Variants in DPYD observed in about 807,000 individuals in gnomAD.
The protein encoded by DPYD is dihydropyrimidine dehydrogenase.
In DPYD, 109 loss-of-function variants were observed where a neutral mutation model predicts 116.2. The observed-to-expected ratio is 0.94, with a 90% CI of 0.80 to 1.10. The LOEUF is 1.10. DPYD is among the 50% of genes least tolerant of loss of function. DPYD has a pLI of 0.00. For synonymous variants in DPYD, 440 were observed against 432.0 expected, an observed-to-expected ratio of 1.02 and a Z score of -0.23; for missense variants, 1,302 against 1,254.5, an observed-to-expected ratio of 1.04 and a Z score of -0.57.
chr1:97,212,018 C>A (rs1660063154), intron 19 of DPYD, among the ~76,000 whole-genome samples: 2 of 152,096 alleles, frequency 1.3e-5, no homozygotes, highest in South Asian at 2.1e-4. Context: ...CTTCATTACA[C>A]ATATTATTTA....
intron 16 of DPYD, among the ~76,000 whole-genome samples, chr1:97,334,839 T>C (rs576514816): frequency 1.1e-4 from 16 of 152,004 alleles, no homozygotes; most frequent in African/African-American, 3.1e-4. Flanking sequence ...GGAGAACAAA[T>C]AGACTTGATG....
chr1:97,260,801 C>A (rs1307026639), intron 18 of DPYD, among the ~76,000 whole-genome samples: 1 of 152,068 alleles, frequency 6.6e-6, no homozygotes, highest in East Asian at 1.9e-4. Flanking sequence ...AGAGGATCTG[C>A]AGACTGAACA....
chr1:97,907,891 A>G (rs1272623510), intron 1 of DPYD, among the ~76,000 whole-genome samples: 2 of 152,106 alleles, frequency 1.3e-5, no homozygotes, highest in African/African-American at 4.8e-5. Context: ...AGAAGTCTAA[A>G]GTAAAGGTGT....
At chr1:97,910,134 T>TA (rs1276278053) in intron 1 of DPYD, among the ~76,000 whole-genome samples, 2 of 152,100 alleles carry the variant, frequency 1.3e-5, no homozygotes, top group Non-Finnish European at 2.9e-5. Context: ...ATTTTCTTGG[T>TA]TTATTTTTAC....
intron 12 of DPYD, among the ~76,000 whole-genome samples, chr1:97,539,427 C>T (rs1650263342): frequency 6.6e-6 from 1 of 151,990 alleles, no homozygotes; most frequent in African/African-American, 2.4e-5. Flanking sequence ...ATTTGAATTT[C>T]TACCTCTACC....
intron 14 of DPYD, among the ~76,000 whole-genome samples, chr1:97,383,738 A>G (rs1182708493): frequency 2.6e-5 from 4 of 152,142 alleles, no homozygotes; most frequent in East Asian, 1.9e-4. Flanking sequence ...TGTGCTTTTA[A>G]CGACTAGGTT....
At chr1:97,723,313 A>C (rs1557909238) in intron 4 of DPYD, among the ~76,000 whole-genome samples, 1 of 151,610 alleles carries the variant, frequency 6.6e-6, no homozygotes, top group Non-Finnish European at 1.5e-5. Context: ...ATAAAGGGTA[A>C]ATAATTAGCA....
intron 4 of DPYD, among the ~76,000 whole-genome samples, chr1:97,725,722 C>A (rs1437525041): frequency 6.6e-6 from 1 of 151,598 alleles, no homozygotes; most frequent in Non-Finnish European, 1.5e-5. Flanking sequence ...ATGAATGATG[C>A]TGGAATATCT....
chr1:97,559,978 T>C (rs1410183525), intron 11 of DPYD, among the ~76,000 whole-genome samples: 2 of 152,156 alleles, frequency 1.3e-5, no homozygotes, highest in African/African-American at 2.4e-5. Context: ...GAATGTGAGA[T>C]TGAGATAAGT....
intron 10 of DPYD, among the ~76,000 whole-genome samples, chr1:97,591,646 T>C (rs1331092242): frequency 6.6e-6 from 1 of 152,192 alleles, no homozygotes; most frequent in Admixed American, 6.5e-5. Flanking sequence ...AAATTGATAT[T>C]GCCAATCAGT....
chr1:97,522,643 C>T (rs892403448), intron 12 of DPYD, among the ~76,000 whole-genome samples: 5 of 151,632 alleles, frequency 3.3e-5, no homozygotes, highest in Non-Finnish European at 5.9e-5. Context: ...GGCGTGAACC[C>T]GGAAGGTGGA....
intron 18 of DPYD, among the ~76,000 whole-genome samples, chr1:97,273,688 C>CT (rs1664744384): frequency 6.6e-6 from 1 of 152,170 alleles, no homozygotes; most frequent in African/African-American, 2.4e-5. Flanking sequence ...ATGTTTATTG[C>CT]TTTTTTGTAA....
intron 16 of DPYD, among the ~76,000 whole-genome samples, chr1:97,359,045 A>G (rs903105757): frequency 2.0e-5 from 3 of 152,178 alleles, no homozygotes; most frequent in Non-Finnish European, 4.4e-5. Flanking sequence ...AACCCATCGC[A>G]AGGAAGCTTA....
intron 20 of DPYD, among the ~76,000 whole-genome samples, chr1:97,154,424 T>C (rs1655278409): frequency 6.6e-6 from 1 of 152,080 alleles, no homozygotes; most frequent in African/African-American, 2.4e-5. Context: ...TTCTCACTGA[T>C]AATTGGGGGC....
intron 20 of DPYD, among the ~76,000 whole-genome samples, chr1:97,157,455 C>G (rs548161287): frequency 6.6e-6 from 1 of 151,856 alleles, no homozygotes; most frequent in Non-Finnish European, 1.5e-5. Flanking sequence ...GGATTTTATT[C>G]CTCAAATAAG....
intron 20 of DPYD, among the ~76,000 whole-genome samples, chr1:97,133,998 C>CAAAA (rs1208967697): frequency 2.3e-4 from 4 of 17,190 alleles, no homozygotes; most frequent in South Asian, 3.3e-3. Context: ...GACTCTGTTT[C>CAAAA]AAAAAAAAAA....
At chr1:97,161,039 T>A (rs1655857419) in intron 20 of DPYD, among the ~76,000 whole-genome samples, 1 of 152,136 alleles carries the variant, frequency 6.6e-6, no homozygotes, top group East Asian at 1.9e-4. Flanking sequence ...CGTTTTAGCA[T>A]ACAGTGGTCT....
intron 21 of DPYD, among the ~76,000 whole-genome samples, chr1:97,084,640 A>G (rs1649389589): frequency 6.6e-6 from 1 of 152,194 alleles, no homozygotes; most frequent in Admixed American, 6.5e-5. Flanking sequence ...ATAGTTGATG[A>G]TGTGACTGAG....
chr1:97,155,628 T>C (rs964246343), intron 20 of DPYD, among the ~76,000 whole-genome samples: 1 of 152,198 alleles, frequency 6.6e-6, no homozygotes, highest in African/African-American at 2.4e-5. Flanking sequence ...TTAAATGCCT[T>C]ATTTGATATT....
Sources: allele counts gnomAD v4.1 joint callset (sites outside exome capture counted in the v4.1 genomes callset), GRCh38; gene constraint gnomAD v4.1.1; transcripts MANE v1.5; gene names NCBI Gene and HGNC (gene_info 2026-07-23, HGNC 2026-07-21).